The following AOPEP variants were observed in gnomAD, a reference collection of about 807,000 sequenced individuals.
AOPEP encodes aminopeptidase O.
Under a neutral mutation model 98.1 loss-of-function variants are expected in AOPEP, and 77 were observed. The ratio of observed to expected loss-of-function variants is 0.78; its 90% CI spans 0.65 to 0.95. The LOEUF is 0.95. Ranked by LOEUF, AOPEP falls within the 40% of genes least tolerant of loss-of-function variation. The pLI, the probability that AOPEP is intolerant of heterozygous loss-of-function variation, is 0.00. For missense variants in AOPEP, 1,024 were observed against 1,024.7 expected, an observed-to-expected ratio of 1.00 and a Z score of 0.01; for synonymous variants, 346 against 365.3, an observed-to-expected ratio of 0.95 and a Z score of 0.60.
At chr9:95,069,213 G>A (rs950188803) in intron 14 of AOPEP, among the ~76,000 whole-genome samples, 3 of 152,220 alleles carry the variant, frequency 2.0e-5, no homozygotes, top group African/African-American at 7.2e-5. Context: ...GACACAGCAA[G>A]GTGATGGGAG....
rs2058865607 is a variant in AOPEP at position 94,961,904 on chromosome 9, TG to T, written c.1873-5853del. 2.6e-5 allele frequency among the ~76,000 whole-genome samples: 4 copies of T among 152,258 alleles called. No individual in the cohort carries two copies. The South Asian group carries it at 8.3e-4, about 31-fold the overall frequency. Reference sequence around the variant, plus strand: ...ATTCTCAGCTTGGGTAGCACTCTCCTGACCTTTCGTTTATTCTCATATGTAT... The same window carrying T: ...ATTCTCAGCTTGGGTAGCACTCTCCTACCTTTCGTTTATTCTCATATGTAT... On this transcript the variant is annotated intron_variant, in intron 9 of 16. Transcript: ENST00000375315.
intron 5 of AOPEP, among the ~76,000 whole-genome samples, chr9:94,844,966 A>G (rs1281658535): frequency 6.6e-6 from 1 of 152,236 alleles, no homozygotes; most frequent in Non-Finnish European, 1.5e-5. Context: ...GAATTTAATT[A>G]TTCATTCAAT....
intron 13 of AOPEP, among the ~76,000 whole-genome samples, chr9:95,026,857 A>G (rs1219083563): frequency 1.3e-5 from 2 of 152,216 alleles, no homozygotes; most frequent in Non-Finnish European, 2.9e-5. Flanking sequence ...GCCATGAGCT[A>G]TAAGGAATAT....
At chr9:94,915,257 C>T (rs1478017613) in intron 5 of AOPEP, among the ~76,000 whole-genome samples, 1 of 152,138 alleles carries the variant, frequency 6.6e-6, no homozygotes, top group Non-Finnish European at 1.5e-5. Context: ...AGAAAATAAA[C>T]AATATATGTG....
At chr9:94,886,929 A>G (rs1209957482) in intron 5 of AOPEP, among the ~76,000 whole-genome samples, 1 of 152,240 alleles carries the variant, frequency 6.6e-6, no homozygotes, top group East Asian at 1.9e-4. Flanking sequence ...CTTAGTATGA[A>G]TGGGTAATAT....
intron 1 of AOPEP, among the ~76,000 whole-genome samples, chr9:94,728,073 C>A (rs138563881): frequency 6.6e-6 from 1 of 152,162 alleles, no homozygotes; most frequent in African/African-American, 2.4e-5. Flanking sequence ...TACTAATGCT[C>A]AAATTTTAGG....
At chr9:94,839,490 T>A (rs575917750) in intron 5 of AOPEP, among the ~76,000 whole-genome samples, 1 of 152,334 alleles carries the variant, frequency 6.6e-6, no homozygotes, top group Non-Finnish European at 1.5e-5. Context: ...CCCAAAGTGC[T>A]GGGATTACAG....
At chr9:95,103,928 G>A in the AOPEP span, among the ~76,000 whole-genome samples, 3 of 152,348 alleles carry the variant, frequency 2.0e-5, no homozygotes, top group South Asian at 6.2e-4. Context: ...CCTTGAGCTG[G>A]CACTGCTCTC....
At chr9:94,828,721 CAT>C (rs1855211993) in intron 5 of AOPEP, among the ~76,000 whole-genome samples, 1 of 151,926 alleles carries the variant, frequency 6.6e-6, no homozygotes, top group Non-Finnish European at 1.5e-5. Flanking sequence ...CAATTATACA[CAT>C]ATACACACAC....
At chr9:94,933,676 GTT>G (rs2055762495) in intron 7 of AOPEP, 4 of 985,226 alleles carry the variant, frequency 4.1e-6, no homozygotes, top group Non-Finnish European at 4.8e-6. Context: ...TGCCACAAGT[GTT>G]GTGAATTTGT....
intron 5 of AOPEP, among the ~76,000 whole-genome samples, chr9:94,858,953 G>A (rs1400397883): frequency 2.0e-5 from 3 of 150,098 alleles, no homozygotes; most frequent in African/African-American, 7.4e-5. Flanking sequence ...GTGTGAACCC[G>A]GGAGGCGGAG....
intron 10 of AOPEP, among the ~76,000 whole-genome samples, chr9:94,968,563 G>A (rs958360299): frequency 1.3e-5 from 2 of 152,136 alleles, no homozygotes; most frequent in African/African-American, 2.4e-5. Flanking sequence ...TTTTAGTAGA[G>A]TTGGGGTTTC....
intron 9 of AOPEP, among the ~76,000 whole-genome samples, chr9:94,960,975 C>T (rs2058791906): frequency 1.3e-5 from 2 of 149,762 alleles, no homozygotes; most frequent in Non-Finnish European, 2.9e-5. Flanking sequence ...TTGCGCGCCA[C>T]TGCACTCCGG....
intron 14 of AOPEP, among the ~76,000 whole-genome samples, chr9:95,068,884 G>A (rs773634406): frequency 5.9e-5 from 9 of 152,122 alleles, no homozygotes; most frequent in Non-Finnish European, 1.2e-4. Context: ...CTAGAAATTG[G>A]CGGGGCTCAG....
At chr9:94,957,277 G>A (rs572286035) in intron 9 of AOPEP, among the ~76,000 whole-genome samples, 1 of 152,174 alleles carries the variant, frequency 6.6e-6, no homozygotes, top group East Asian at 1.9e-4. Flanking sequence ...GTGCGATCGC[G>A]GCTCACTGCA....
At chr9:94,975,155 C>A (rs1308748071) in intron 10 of AOPEP, among the ~76,000 whole-genome samples, 1 of 152,070 alleles carries the variant, frequency 6.6e-6, no homozygotes, top group African/African-American at 2.4e-5. Context: ...CGTTTCATCC[C>A]TGGAGGAGGA....
intron 3 of AOPEP, among the ~76,000 whole-genome samples, chr9:94,780,691 CCTTT>C (rs1314185611): frequency 6.6e-6 from 1 of 152,216 alleles, no homozygotes; most frequent in Non-Finnish European, 1.5e-5. Flanking sequence ...GATGCTATTT[CCTTT>C]CTAAGTCATG....
chr9:95,127,995 C>T, the AOPEP span, among the ~76,000 whole-genome samples: 1 of 152,336 alleles, frequency 6.6e-6, no homozygotes, highest in African/African-American at 2.4e-5. Flanking sequence ...GCATTTTTAT[C>T]TAAAAGGAAC....
intron 11 of AOPEP, among the ~76,000 whole-genome samples, chr9:94,992,512 C>T (rs1029520148): frequency 6.6e-6 from 1 of 152,184 alleles, no homozygotes; most frequent in African/African-American, 2.4e-5. Flanking sequence ...GGAGGAAAGT[C>T]GGTTTGTTAT....
Sources: allele counts gnomAD v4.1 joint callset (sites outside exome capture counted in the v4.1 genomes callset), GRCh38; gene constraint gnomAD v4.1.1; transcripts MANE v1.5; gene names NCBI Gene and HGNC (gene_info 2026-07-23, HGNC 2026-07-21).